Variants in RUFY3 observed in about 807,000 individuals in gnomAD.
RUFY3 encodes the protein RUN and FYVE domain containing 3, also known as protein RUFY3.
In RUFY3, 34 loss-of-function variants were observed where a neutral mutation model predicts 84.0. The observed-to-expected ratio is 0.40, with a 90% confidence interval of 0.31 to 0.54. The LOEUF (loss-of-function observed/expected upper bound fraction) is 0.54. Among genes scored for constraint, RUFY3 ranks in the 20% least tolerant of loss-of-function variants. The probability of loss-of-function intolerance (pLI) is 0.39; values close to 1 mark genes in which losing one functional copy is unlikely to be tolerated. For synonymous variants in RUFY3, 242 were observed against 252.9 expected (o/e 0.96, Z 0.41); for missense variants, 507 against 736.8 (o/e 0.69, Z 3.61).
At chr4:70,705,718 G>A (rs1305050428) in intron 1 of RUFY3, among the ~76,000 whole-genome samples, 1 of 152,214 alleles carries the variant, frequency 6.6e-6, no homozygotes, top group Non-Finnish European at 1.5e-5. Flanking sequence ...GGCGCCCGGA[G>A]ACCCCGTGGC....
chr4:70,756,231 C>T lies in RUFY3; in HGVS notation c.179-6288C>T, dbSNP rs141640202. On this transcript the variant is annotated intron_variant, in intron 1 of 17. Transcript: ENST00000381006. ...TGACTCCCTCTTCTCCATACAGCCCCACTGCTCTAGTTCTACCCTTTATTA... is the reference window on the plus strand; with the variant it reads ...TGACTCCCTCTTCTCCATACAGCCCTACTGCTCTAGTTCTACCCTTTATTA... 1.4e-3 allele frequency among the ~76,000 whole-genome samples: 213 copies of T among 152,306 alleles called. 1 individual carries two copies. In the Middle Eastern group the frequency reaches 0.02, roughly 15 times the overall value.
chr4:70,775,669 G>T (rs918543025), intron 7 of RUFY3, among the ~76,000 whole-genome samples: 10 of 151,996 alleles, frequency 6.6e-5, no homozygotes, highest in Non-Finnish European at 1.5e-4. Context: ...TATCGTCCAG[G>T]TGTGCTGGGC....
chr4:70,733,164 G>C (rs192378282), intron 1 of RUFY3, among the ~76,000 whole-genome samples: 1 of 135,202 alleles, frequency 7.4e-6, no homozygotes, highest in Non-Finnish European at 1.6e-5. Context: ...GAGAGAGAGA[G>C]AGAAAGAAAG....
intron 1 of RUFY3, among the ~76,000 whole-genome samples, chr4:70,749,987 T>A (rs1722874670): frequency 6.6e-6 from 1 of 151,856 alleles, no homozygotes; most frequent in Non-Finnish European, 1.5e-5. Context: ...ATTTTTTACT[T>A]TTAATTATGA....
At position 70,793,841 on chromosome 4, in the gene RUFY3, A is replaced by G; in HGVS notation, c.1394A>G (p.Lys465Arg). The G allele has an allele frequency of 5.0e-6, 8 of 1,614,170 alleles. No homozygotes were observed. Among genetic ancestry groups the G allele is most frequent in the Non-Finnish European group, 6.8e-6 (8 of 1,180,028 alleles). The change falls in exon 13 of 18, where the codon AAA becomes AGA. Residue 465 changes from lysine to arginine, a missense_variant. Coordinates refer to ENST00000381006, the MANE Select transcript of RUFY3 (RefSeq NM_001037442.4). ...GCTGAGTTGGACAACCGGCTCTTCAAACAGGACTTTGGAGACAAGATCAAC... is the reference window on the plus strand; with the variant it reads ...GCTGAGTTGGACAACCGGCTCTTCAGACAGGACTTTGGAGACAAGATCAAC... ...QSAELDNRLF[K>R]QDFGDKINSL...
chr4:70,726,177 C>G (rs7686646), intron 1 of RUFY3, among the ~76,000 whole-genome samples: 1 of 152,114 alleles, frequency 6.6e-6, no homozygotes, highest in South Asian at 2.1e-4. Flanking sequence ...CCTGGAAAAG[C>G]AGAATGTACC....
chr4:70,711,409 G>A (rs927224158), intron 1 of RUFY3, among the ~76,000 whole-genome samples: 4 of 152,158 alleles, frequency 2.6e-5, no homozygotes, highest in African/African-American at 9.7e-5. Flanking sequence ...CCAAAAGATT[G>A]GGCATGGTTA....
At chr4:70,705,559 G>T (rs548338877) in intron 1 of RUFY3, among the ~76,000 whole-genome samples, 1 of 152,270 alleles carries the variant, frequency 6.6e-6, no homozygotes, top group Non-Finnish European at 1.5e-5. Flanking sequence ...TCTCTCTCCC[G>T]TCTTGGGCTG....
At chr4:70,762,399 A>C in intron 1 of RUFY3, 120 bp from the exon 2 acceptor site, 8 of 835,120 alleles carry the variant, frequency 9.6e-6, no homozygotes, top group Non-Finnish European at 1.5e-5. Flanking sequence ...GATATTCTTA[A>C]AGGAAACTGG....
intron 1 of RUFY3, among the ~76,000 whole-genome samples, chr4:70,753,010 C>T (rs547077544): frequency 6.6e-6 from 1 of 152,122 alleles, no homozygotes; most frequent in Non-Finnish European, 1.5e-5. Flanking sequence ...ATTTTAACAA[C>T]GAGACTATCT....
intron 1 of RUFY3, among the ~76,000 whole-genome samples, chr4:70,727,354 CTTTTTTTT>C (rs762253929): frequency 8.5e-6 from 1 of 118,250 alleles, no homozygotes; most frequent in South Asian, 3.0e-4. Flanking sequence ...AAAGTAATAA[CTTTTTTTT>C]TTTTTTTTTT....
At chr4:70,749,657 CTTTT>C (rs537416557) in intron 1 of RUFY3, among the ~76,000 whole-genome samples, 3 of 132,132 alleles carry the variant, frequency 2.3e-5, no homozygotes, top group Non-Finnish European at 1.6e-5. Context: ...CTTGTCTTGT[CTTTT>C]TTTTTTTTTT....
intron 8 of RUFY3, 143 bp from the exon 9 acceptor site, chr4:70,782,948 T>C (rs1729195941): frequency 7.0e-6 from 4 of 568,094 alleles, no homozygotes; most frequent in South Asian, 2.7e-5. Flanking sequence ...TGAGTTCTTA[T>C]AAGAACATTT....
chr4:70,737,778 A>G (rs1251921645), intron 1 of RUFY3, among the ~76,000 whole-genome samples: 8 of 150,438 alleles, frequency 5.3e-5, no homozygotes, highest in Non-Finnish European at 1.0e-4. Flanking sequence ...GATTCAAGCA[A>G]TTCTCCTGCC....
chr4:70,722,621 C>G lies in RUFY3; in HGVS notation c.48C>G (p.Asp16Glu), dbSNP rs756134090. 1.9e-6 allele frequency: 3 copies of G among 1,613,964 alleles called. No individual in the cohort carries two copies. The East Asian group carries it at 6.7e-5, about 36-fold the overall frequency. Reference sequence around the variant, plus strand: ...CCGATATGCCAACCCCCACCACTGACAAGATCACACAGGCTGCCATGGAGA... The same window carrying G: ...CCGATATGCCAACCCCCACCACTGAGAAGATCACACAGGCTGCCATGGAGA... ...PPTDMPTPTT[D>E]KITQAAMETI... The change falls in exon 1 of 18, where the codon GAC becomes GAG. Residue 16 changes from aspartate (D) to glutamate (E), a missense_variant. Asp to Glu is a conservative substitution (Grantham distance 45). Coordinates refer to ENST00000381006, the MANE Select transcript of RUFY3 (RefSeq NM_001037442.4).
At chr4:70,764,097 T>C (rs1242586679) in intron 3 of RUFY3, among the ~76,000 whole-genome samples, 2 of 152,184 alleles carry the variant, frequency 1.3e-5, no homozygotes, top group East Asian at 1.9e-4. Flanking sequence ...CAAATGAGAC[T>C]GGTTTAATTT....
chr4:70,740,410 G>A (rs1344721004), intron 1 of RUFY3, among the ~76,000 whole-genome samples: 4 of 152,140 alleles, frequency 2.6e-5, no homozygotes, highest in Admixed American at 1.3e-4. Flanking sequence ...TATCCACCAC[G>A]CATTCCTACC....
At chr4:70,771,435 G>A (rs780811659) in intron 5 of RUFY3, among the ~76,000 whole-genome samples, 15 of 152,000 alleles carry the variant, frequency 9.9e-5, no homozygotes, top group Non-Finnish European at 2.1e-4. Context: ...CCCTAAAAAC[G>A]TTAAGTACTA....
intron 10 of RUFY3, among the ~76,000 whole-genome samples, chr4:70,787,924 C>T (rs867234764): frequency 1.4e-4 from 21 of 152,104 alleles, no homozygotes; most frequent in Admixed American, 3.3e-4. Flanking sequence ...TTTGTATCTT[C>T]GATCACCCAC....
Sources: allele counts gnomAD v4.1 joint callset (sites outside exome capture counted in the v4.1 genomes callset), GRCh38; gene constraint gnomAD v4.1.1; transcripts MANE v1.5; gene names NCBI Gene and HGNC (gene_info 2026-07-23, HGNC 2026-07-21).